ZSCAN5A: variants seen among roughly 807,000 people sequenced by gnomAD.
ZSCAN5A encodes the protein zinc finger and SCAN domain containing 5A.
Under a neutral mutation model 23.7 loss-of-function variants are expected in ZSCAN5A, and 12 were observed. The observed-to-expected ratio is 0.51, with a 90% confidence interval of 0.32 to 0.82. The LOEUF (loss-of-function observed/expected upper bound fraction) is 0.82. Ranked by LOEUF, ZSCAN5A falls within the 40% of genes least tolerant of loss-of-function variation. The pLI, the probability that ZSCAN5A is intolerant of heterozygous loss-of-function variation, is 0.03. For synonymous variants in ZSCAN5A, 257 were observed against 239.9 expected, an observed-to-expected ratio of 1.07 and a Z score of -0.66; for missense variants, 597 against 617.9, an observed-to-expected ratio of 0.97 and a Z score of 0.36.
intron 2 of ZSCAN5A, among the ~76,000 whole-genome samples, chr19:56,257,078 G>A (rs1233220216): frequency 6.6e-6 from 1 of 152,134 alleles, no homozygotes; most frequent in Non-Finnish European, 1.5e-5. Flanking sequence ...ACCTGACTTG[G>A]CTATCATTTC....
At position 56,319,846 on chromosome 19, in the gene ZSCAN5A, T is replaced by C. The variant is rs2041356665; in HGVS notation, c.-357-3578A>G. 24 of 784,954 alleles carry C rather than the reference T, an allele frequency of 3.1e-5. No individual in the cohort carries two copies. In the South Asian group the frequency reaches 3.2e-4, roughly 11 times the overall value. 48.6% of individuals were successfully genotyped at this position (784,954 alleles called of 1,614,324 possible). On this transcript the variant is annotated intron_variant, in intron 2 of 6. Transcript: ENST00000587340. ...CGAGGTTCTCTTCTGCAGTTTTCAT[T>C]AGTATAAAGAGCCGGCTTCCAGACA...
At chr19:56,332,882 T>C (rs1356862280) in intron 2 of ZSCAN5A, among the ~76,000 whole-genome samples, 5 of 152,216 alleles carry the variant, frequency 3.3e-5, no homozygotes, top group Non-Finnish European at 7.3e-5. Context: ...TGCTTGCTTG[T>C]CTGTAAAATA....
At chr19:56,361,300 T>C (rs982553566) in intron 2 of ZSCAN5A, among the ~76,000 whole-genome samples, 2 of 152,222 alleles carry the variant, frequency 1.3e-5, no homozygotes, top group Admixed American at 6.5e-5. Context: ...AGTGTGGTGA[T>C]TCCTGAAAGA....
upstream of ZSCAN5A, chr19:56,315,073 C>T (rs1172130384): frequency 1.3e-5 from 2 of 152,198 alleles, no homozygotes; most frequent in South Asian, 2.1e-4. Flanking sequence ...TTTACTAAAA[C>T]GTGCTCTTGT....
At chr19:56,328,260 A>T (rs1186317355) in intron 2 of ZSCAN5A, among the ~76,000 whole-genome samples, 2 of 152,226 alleles carry the variant, frequency 1.3e-5, no homozygotes, top group Admixed American at 6.5e-5. Flanking sequence ...AGATACAATT[A>T]TAAAGAAAAA....
chr19:56,236,425 T>G (rs373706174), intron 2 of ZSCAN5A, among the ~76,000 whole-genome samples: 14 of 77,960 alleles, frequency 1.8e-4, no homozygotes, highest in Admixed American at 6.8e-4. Flanking sequence ...AGCCTCTGAT[T>G]GACCGTGGGC....
chr19:56,255,979 T>C (rs1368309464), intron 2 of ZSCAN5A, among the ~76,000 whole-genome samples: 1 of 152,222 alleles, frequency 6.6e-6, no homozygotes, highest in Non-Finnish European at 1.5e-5. Flanking sequence ...TTGGAAATTG[T>C]ATTCCCATGA....
intron 2 of ZSCAN5A, among the ~76,000 whole-genome samples, chr19:56,294,212 C>T (rs2039708026): frequency 1.3e-5 from 2 of 152,212 alleles, no homozygotes; most frequent in Non-Finnish European, 2.9e-5. Context: ...ATCCCAAACA[C>T]CTGCCTAAGG....
At chr19:56,308,356 C>G (rs2040835287) in intron 2 of ZSCAN5A, among the ~76,000 whole-genome samples, 1 of 144,052 alleles carries the variant, frequency 6.9e-6, no homozygotes, top group African/African-American at 2.6e-5. Context: ...TGGAGGCTCA[C>G]TCTGTCACCC....
intron 2 of ZSCAN5A, among the ~76,000 whole-genome samples, chr19:56,340,606 G>T (rs776890489): frequency 6.6e-6 from 1 of 152,206 alleles, no homozygotes; most frequent in Non-Finnish European, 1.5e-5. Flanking sequence ...AGTTGGAAAT[G>T]GAGGTACTTA....
intron 2 of ZSCAN5A, among the ~76,000 whole-genome samples, chr19:56,333,170 GT>G (rs1271736699): frequency 6.6e-6 from 1 of 151,794 alleles, no homozygotes; most frequent in African/African-American, 2.4e-5. Context: ...TCTCCCAGGT[GT>G]TCTCTGGATT....
At chr19:56,309,312 G>T (rs890956120) in intron 2 of ZSCAN5A, among the ~76,000 whole-genome samples, 1 of 149,696 alleles carries the variant, frequency 6.7e-6, no homozygotes, top group Admixed American at 6.6e-5. Context: ...AAGGAACAAG[G>T]GGAGTGACTG....
upstream of ZSCAN5A, chr19:56,314,847 A>G (rs2041268656): frequency 6.6e-6 from 1 of 152,220 alleles, no homozygotes; most frequent in South Asian, 2.1e-4. Context: ...ATTGGCTGCT[A>G]GGAGGCCTCG....
intron 2 of ZSCAN5A, among the ~76,000 whole-genome samples, chr19:56,329,363 AAAAC>A (rs746111155): frequency 2.2e-4 from 33 of 152,202 alleles, no homozygotes; most frequent in East Asian, 5.8e-4. Context: ...AACAAAAACA[AAAAC>A]AAACAAACAA....
chr19:56,350,391 A>G (rs1476392015), intron 2 of ZSCAN5A, among the ~76,000 whole-genome samples: 2 of 152,270 alleles, frequency 1.3e-5, no homozygotes, highest in East Asian at 3.8e-4. Context: ...GGACAAATCA[A>G]AAAGTGTAAA....
At chr19:56,247,089 G>A (rs765961482) in intron 2 of ZSCAN5A, 10 of 717,874 alleles carry the variant, frequency 1.4e-5, no homozygotes, top group Middle Eastern at 2.4e-4. Context: ...AGAGGTTTAC[G>A]TGTAATTCCA....
chr19:56,342,953 T>C, intron 2 of ZSCAN5A: 1 of 1,006,340 alleles, frequency 9.9e-7, no homozygotes, highest in Non-Finnish European at 1.6e-6. Context: ...TTGGTTATTC[T>C]TGCCCATTTT....
In ZSCAN5A at chr19:56,226,863, A is replaced by C. The variant is rs374074792; in HGVS notation, c.-127-1690T>G. Among the ~76,000 whole-genome samples, 80 of 152,270 alleles carry C rather than the reference A, an allele frequency of 5.3e-4. 2 individuals carry two copies. The South Asian group carries it at 0.016, about 31-fold the overall frequency. Reference sequence around the variant, plus strand: ...GAGTCATACCTCACACCTCAGCATCACTCAATATACTCATGCAACAAATCT... The same window carrying C: ...GAGTCATACCTCACACCTCAGCATCCCTCAATATACTCATGCAACAAATCT... On this transcript the variant is annotated intron_variant, in intron 2 of 5. Coordinates refer to ENST00000683990, the MANE Select transcript of ZSCAN5A (RefSeq NM_001322064.3).
intron 2 of ZSCAN5A, among the ~76,000 whole-genome samples, chr19:56,274,240 G>A (rs549151773): frequency 1.3e-5 from 2 of 152,224 alleles, no homozygotes; most frequent in African/African-American, 4.8e-5. Flanking sequence ...GATTATTTGA[G>A]GTCAGAAGCT....
Sources: gnomAD v4.1 joint callset for allele counts (sites outside exome capture counted in the v4.1 genomes callset) on GRCh38, gnomAD v4.1.1 for gene constraint, MANE v1.5 for transcripts, NCBI Gene and HGNC (gene_info 2026-07-23, HGNC 2026-07-21) for gene names.